The following ATE1 variants were observed in gnomAD, a reference collection of about 807,000 sequenced individuals.
ATE1 encodes arginyltransferase 1.
ATE1 carries 36 observed loss-of-function variants against 70.5 expected under a neutral mutation model. That is an observed-to-expected ratio of 0.51 (90% CI 0.39 to 0.67). The LOEUF (loss-of-function observed/expected upper bound fraction) is 0.67, where lower values mean the gene tolerates loss of function less well. ATE1 is among the 30% of genes least tolerant of loss of function. ATE1 has a pLI of 0.00. For synonymous variants in ATE1, 232 were observed against 219.3 expected, an observed-to-expected ratio of 1.06 and a Z score of -0.51; for missense variants, 593 against 629.5, an observed-to-expected ratio of 0.94 and a Z score of 0.62.
At chr10:121,859,483 C>G (rs1183635508) in intron 8 of ATE1, among the ~76,000 whole-genome samples, 1 of 151,960 alleles carries the variant, frequency 6.6e-6, no homozygotes, top group Non-Finnish European at 1.5e-5. Flanking sequence ...GTCTCAATCT[C>G]CTGACCTCGT....
chr10:121,752,379 C>T (rs1258819545), intron 11 of ATE1, among the ~76,000 whole-genome samples: 2 of 150,972 alleles, frequency 1.3e-5, no homozygotes, highest in Non-Finnish European at 3.0e-5. Flanking sequence ...TACAGGCACC[C>T]GCCACCACGC....
chr10:121,775,413 G>A (rs537665307), intron 11 of ATE1, among the ~76,000 whole-genome samples: 21 of 152,080 alleles, frequency 1.4e-4, no homozygotes, highest in South Asian at 1.2e-3. Flanking sequence ...AGCAAACCAC[G>A]GTGGCACATG....
chr10:121,909,200 G>A (rs978003490), intron 5 of ATE1, among the ~76,000 whole-genome samples: 2 of 152,110 alleles, frequency 1.3e-5, no homozygotes, highest in African/African-American at 4.8e-5. Flanking sequence ...TGTTGTTCAG[G>A]CTGGTCTCAA....
chr10:121,814,214 T>C (rs1462165083), intron 10 of ATE1, among the ~76,000 whole-genome samples: 2 of 151,774 alleles, frequency 1.3e-5, no homozygotes, highest in Admixed American at 1.3e-4. Flanking sequence ...AGAGGAGAAA[T>C]GAACTGGTGA....
intron 10 of ATE1, among the ~76,000 whole-genome samples, chr10:121,822,080 C>A (rs938092714): frequency 6.6e-6 from 1 of 152,106 alleles, no homozygotes; most frequent in African/African-American, 2.4e-5. Flanking sequence ...TATATGTTCA[C>A]CAAAGAACAC....
intron 11 of ATE1, among the ~76,000 whole-genome samples, chr10:121,747,440 T>C (rs1944415032): frequency 6.6e-6 from 1 of 152,136 alleles, no homozygotes; most frequent in African/African-American, 2.4e-5. Context: ...CAAGGGCATT[T>C]TCCCCCCAAA....
chr10:121,856,242 A>G (rs765730372), intron 8 of ATE1, among the ~76,000 whole-genome samples: 7 of 152,116 alleles, frequency 4.6e-5, no homozygotes, highest in East Asian at 1.9e-4. Context: ...TAATACAGGC[A>G]TACCTGGCCG....
chr10:121,927,883 A>G lies in ATE1; in HGVS notation c.67T>C (p.Cys23Arg). 6.3e-7 allele frequency: 1 copy of G among 1,591,222 alleles called. No individual in the cohort carries two copies. The highest frequency in any genetic ancestry group is 1.4e-5 in the African/African-American group (1 of 72,736). The change falls in exon 1 of 12, where the codon TGC becomes CGC. Residue 23 changes from cysteine to arginine, a missense_variant. Transcript: ENST00000224652. ...CCCGACTCGTTCTTGCAGTAGCCGC[A>G]GCGGTAGAAGTCCTCGCTAGGGAAA... ...DYFPSEDFYRCGYCKNESGSR... is the reference protein window; with the variant it reads ...DYFPSEDFYRRGYCKNESGSR...
At chr10:121,806,311 G>C (rs1047952232) in intron 10 of ATE1, among the ~76,000 whole-genome samples, 2 of 152,092 alleles carry the variant, frequency 1.3e-5, no homozygotes, top group African/African-American at 2.4e-5. Context: ...AAATTAGCCA[G>C]ATGTGATGGA....
At chr10:121,914,972 G>A (rs1007124033) in intron 3 of ATE1, among the ~76,000 whole-genome samples, 2 of 152,114 alleles carry the variant, frequency 1.3e-5, no homozygotes, top group South Asian at 2.1e-4. Context: ...AAACAAGGCC[G>A]AGAAACACCC....
At chr10:121,925,112 T>C (rs530405179) in intron 1 of ATE1, among the ~76,000 whole-genome samples, 1 of 152,288 alleles carries the variant, frequency 6.6e-6, no homozygotes, top group Admixed American at 6.5e-5. Flanking sequence ...CAATATTCCT[T>C]CTAAGTGTAA....
chr10:121,863,340 G>A (rs1490217349), intron 8 of ATE1, among the ~76,000 whole-genome samples: 6 of 139,664 alleles, frequency 4.3e-5, no homozygotes, highest in Non-Finnish European at 6.0e-5. Context: ...TGCAACCTCC[G>A]CCTCCCGGGT....
At chr10:121,826,611 AT>A (rs1021830347) in intron 10 of ATE1, among the ~76,000 whole-genome samples, 41 of 152,064 alleles carry the variant, frequency 2.7e-4, no homozygotes, top group African/African-American at 9.4e-4. Flanking sequence ...AGCAACAATA[AT>A]TTTTTTCCAA....
intron 11 of ATE1, among the ~76,000 whole-genome samples, chr10:121,783,553 G>C (rs996105457): frequency 6.6e-6 from 1 of 150,724 alleles, no homozygotes; most frequent in Non-Finnish European, 1.5e-5. Flanking sequence ...TTAATGGTAC[G>C]TAAAATAAAA....
At chr10:121,812,982 A>T (rs551674678) in intron 10 of ATE1, among the ~76,000 whole-genome samples, 1 of 152,224 alleles carries the variant, frequency 6.6e-6, no homozygotes, top group Non-Finnish European at 1.5e-5. Context: ...TACAACTAAC[A>T]TTCTGTTTGT....
intron 10 of ATE1, among the ~76,000 whole-genome samples, chr10:121,813,375 C>A (rs1468618071): frequency 3.3e-5 from 5 of 152,190 alleles, no homozygotes; most frequent in Non-Finnish European, 5.9e-5. Flanking sequence ...CATTTATTTG[C>A]GGTCAAGTAC....
chr10:121,820,556 G>C (rs1947752769), intron 10 of ATE1, among the ~76,000 whole-genome samples: 1 of 152,154 alleles, frequency 6.6e-6, no homozygotes, highest in Non-Finnish European at 1.5e-5. Flanking sequence ...AGGTCCTCAT[G>C]GTTTGCTTTG....
At chr10:121,864,321 T>C (rs540011405) in intron 8 of ATE1, among the ~76,000 whole-genome samples, 1 of 152,292 alleles carries the variant, frequency 6.6e-6, no homozygotes, top group Admixed American at 6.5e-5. Context: ...CCCAGCTCCC[T>C]CACATGGGCA....
chr10:121,800,747 CTATTGATTGTACTA>C (rs2133371345), intron 10 of ATE1, among the ~76,000 whole-genome samples: 1 of 152,268 alleles, frequency 6.6e-6, no homozygotes, highest in African/African-American at 2.4e-5. Context: ...TACAATAAAT[CTATTGATTGTACTA>C]AAACCGACTG....
Sources: gnomAD v4.1 joint callset for allele counts (sites outside exome capture counted in the v4.1 genomes callset) on GRCh38, gnomAD v4.1.1 for gene constraint, MANE v1.5 for transcripts, NCBI Gene and HGNC (gene_info 2026-07-23, HGNC 2026-07-21) for gene names.